ECT2: variants seen among roughly 807,000 people sequenced by gnomAD.
ECT2 encodes the protein epithelial cell transforming 2, also known as protein ECT2.
ECT2 carries 61 observed loss-of-function variants against 116.9 expected under a neutral mutation model. That is an observed-to-expected ratio of 0.52 (90% CI 0.42 to 0.65). The LOEUF (loss-of-function observed/expected upper bound fraction) is 0.65. Among genes scored for constraint, ECT2 ranks in the 30% least tolerant of loss-of-function variants. The pLI is 0.00. For missense variants in ECT2, 937 were observed against 1,078.7 expected (o/e 0.87, Z 1.84); for synonymous variants, 358 against 346.4 (o/e 1.03, Z -0.37).
intron 22 of ECT2, among the ~76,000 whole-genome samples, chr3:172,814,164 T>C (rs1729277260): frequency 6.6e-6 from 1 of 152,052 alleles, no homozygotes; most frequent in Admixed American, 6.6e-5. Context: ...GTTGTTCAAA[T>C]GACAAAATTA....
In ECT2 at chr3:172,783,842, T is replaced by G; in HGVS notation, c.1661T>G (p.Phe554Cys). ...VKTYPPFVNF[F>C]EMSKETIIKC... is the part of the protein sequence containing the mutation. ...ACCTACCCTCCCTTTGTAAACTTCT[T>G]TGAAATGAGCAAGGAAACAATTATT... The change falls in exon 16 of 25, where the codon TTT (phenylalanine) becomes TGT (cysteine). Residue 554 changes from phenylalanine (F) to cysteine (C), a missense_variant. By Grantham distance (205) the Phe-to-Cys change is radical (BLOSUM62 -2). Transcript: ENST00000392692. 6.2e-7 allele frequency: 1 copy of G among 1,607,606 alleles called. No individual in the cohort carries two copies. The highest frequency in any genetic ancestry group is 8.5e-7 in the Non-Finnish European group (1 of 1,177,274).
chr3:172,824,146 T>C (rs1730786047), downstream of ECT2, among the ~76,000 whole-genome samples: 2 of 152,234 alleles, frequency 1.3e-5, no homozygotes, highest in Admixed American at 1.3e-4. Context: ...TCTTTAGATA[T>C]TGTAGTAAGC....
At chr3:172,776,198 C>CTTTTTTTTTTTTTTTTTT (rs60558773) in intron 14 of ECT2, among the ~76,000 whole-genome samples, 3 of 111,602 alleles carry the variant, frequency 2.7e-5, no homozygotes, top group African/African-American at 7.0e-5. Context: ...TCAGTTTTTT[C>CTTTTTTTTTTTTTTTTTT]TTTTTTTTTT....
Position 172,817,678 on chromosome 3 carries a change from A to C in ECT2, c.2655+841A>C, listed in dbSNP as rs527411793. Among the ~76,000 whole-genome samples, 4 of 152,222 alleles carry C rather than the reference A, an allele frequency of 2.6e-5. No individual in the cohort carries two copies. In the South Asian group the frequency reaches 8.3e-4, roughly 32 times the overall value. On this transcript the variant is annotated intron_variant, in intron 24 of 24. Transcript: ENST00000392692. ...CCAACAGTTTCAGAATTATTATTAG[A>C]TATTTAATACTACTATTACTAAGTA...
chr3:172,819,635 T>C (rs1360593128), intron 24 of ECT2, among the ~76,000 whole-genome samples: 1 of 152,080 alleles, frequency 6.6e-6, no homozygotes, highest in Non-Finnish European at 1.5e-5. Flanking sequence ...GGAACAAAAT[T>C]ATATATACAT....
intron 17 of ECT2, among the ~76,000 whole-genome samples, chr3:172,785,772 C>T (rs745787431): frequency 2.0e-5 from 3 of 152,010 alleles, no homozygotes; most frequent in Non-Finnish European, 4.4e-5. Flanking sequence ...AATGATTTGT[C>T]CACTATTTAA....
chr3:172,818,075 T>C (rs1730077175), intron 24 of ECT2, among the ~76,000 whole-genome samples: 1 of 152,092 alleles, frequency 6.6e-6, no homozygotes, highest in South Asian at 2.1e-4. Context: ...GTTTTATAAG[T>C]GATTTCTTTT....
intron 5 of ECT2, among the ~76,000 whole-genome samples, chr3:172,758,276 CT>C (rs1717466547): frequency 6.6e-6 from 1 of 152,052 alleles, no homozygotes; most frequent in Non-Finnish European, 1.5e-5. Flanking sequence ...TTGCTTAGGT[CT>C]TTGTACTTCT....
At chr3:172,828,872 G>T in the ECT2 span, 2 of 1,231,740 alleles carry the variant, frequency 1.6e-6, no homozygotes, top group Non-Finnish European at 2.3e-6. Flanking sequence ...CCTGAGAGAC[G>T]GGTTCCTGGC....
rs752113240 is a variant in ECT2, at chr3:172,815,585, AAG to A, written c.2401-18_2401-17del. 1.6e-5 allele frequency: 23 copies of A among 1,452,740 alleles called. No homozygotes were observed. In the East Asian group the frequency reaches 5.0e-4, roughly 32 times the overall value. The allele number at this position is 1,452,740 out of a possible 1,614,324, so 90.0% of individuals were successfully genotyped here. A position where few individuals can be genotyped will look rare whatever the true frequency, so the allele number is the denominator to read the frequency against. On this transcript the variant is annotated splice_polypyrimidine_tract_variant and intron_variant, in intron 22 of 24. Transcript: ENST00000392692. ...AGTTGTGTGTTTTTAAGATAACAAAAAGTATTATTTTTCAATAGGAGAATCTT... is the reference window on the plus strand; with the variant it reads ...AGTTGTGTGTTTTTAAGATAACAAAATATTATTTTTCAATAGGAGAATCTT...
At chr3:172,781,539 TC>T (rs1722698521) in intron 14 of ECT2, among the ~76,000 whole-genome samples, 1 of 152,190 alleles carries the variant, frequency 6.6e-6, no homozygotes, top group South Asian at 2.1e-4. Context: ...GCCTGTCATT[TC>T]TTGGCATCTC....
rs1277635104 is a variant in ECT2 at position 172,762,679 on chromosome 3, A to C, written c.890-12A>C. 6.3e-7 allele frequency: 1 copy of C among 1,599,956 alleles called. No individual in the cohort carries two copies. The highest frequency in any genetic ancestry group is 1.1e-5 in the South Asian group (1 of 87,882). ...GCTTGGCTTATTTATGCTTATGTGCATTCCTTTTTAGGAGGTAAATATTTA... is the reference window on the plus strand; with the variant it reads ...GCTTGGCTTATTTATGCTTATGTGCCTTCCTTTTTAGGAGGTAAATATTTA... On this transcript the variant is annotated splice_polypyrimidine_tract_variant and intron_variant, in intron 9 of 24. Coordinates refer to ENST00000392692, the MANE Select transcript of ECT2 (RefSeq NM_001258315.2).
chr3:172,809,568 T>TACACAC (rs10576393), intron 22 of ECT2, among the ~76,000 whole-genome samples: 8 of 147,150 alleles, frequency 5.4e-5, no homozygotes, highest in South Asian at 2.2e-4. Flanking sequence ...TGTGTATATC[T>TACACAC]ACACACACAC....
At chr3:172,805,588 ACT>A in intron 20 of ECT2, 141 bp from the exon 21 acceptor site, 10 of 781,038 alleles carry the variant, frequency 1.3e-5, no homozygotes, top group South Asian at 1.1e-4. Context: ...TTACATAGTA[ACT>A]CTGCTTATAA....
chr3:172,827,542 A>G, the ECT2 span, among the ~76,000 whole-genome samples: 1 of 152,228 alleles, frequency 6.6e-6, no homozygotes, highest in African/African-American at 2.4e-5. Context: ...CTAATATTGC[A>G]TGTTCTCACT....
chr3:172,797,471 G>C (rs1348036506), intron 18 of ECT2, among the ~76,000 whole-genome samples: 2 of 152,094 alleles, frequency 1.3e-5, no homozygotes, highest in Non-Finnish European at 2.9e-5. Context: ...TTTCATAACT[G>C]TTTTCTGTGG....
Position 172,753,291 on chromosome 3 carries a change from T to C in ECT2, c.-22-1218T>C, listed in dbSNP as rs1389944481. ...TTTTAAATTTTTTGTAGAGATGGGG[T>C]CTTGCTATGTTGCCCAGTCTGGTGT... is the stretch of plus-strand genomic sequence containing the variant. On this transcript the variant is annotated intron_variant, in intron 1 of 24. Transcript: ENST00000392692. Among the ~76,000 whole-genome samples the C allele has an allele frequency of 2.0e-5, 3 of 151,976 alleles. No individual in the cohort carries two copies. In the East Asian group the frequency reaches 5.8e-4, roughly 29 times the overall value.
chr3:172,800,683 A>G (rs900633487), intron 18 of ECT2, among the ~76,000 whole-genome samples: 7 of 152,176 alleles, frequency 4.6e-5, no homozygotes, highest in Non-Finnish European at 1.0e-4. Flanking sequence ...TTTTTCATAT[A>G]AAACATTGTA....
intron 14 of ECT2, among the ~76,000 whole-genome samples, chr3:172,776,726 G>A (rs5026025): frequency 5.5e-4 from 84 of 152,156 alleles, no homozygotes; most frequent in African/African-American, 2.0e-3. Flanking sequence ...CATTCTTTTG[G>A]TATGTAGATG....
Sources: allele counts gnomAD v4.1 joint callset (sites outside exome capture counted in the v4.1 genomes callset), GRCh38; gene constraint gnomAD v4.1.1; transcripts MANE v1.5; gene names NCBI Gene and HGNC (gene_info 2026-07-23, HGNC 2026-07-21).